Variants in LIN54 observed in about 807,000 individuals in gnomAD.
LIN54 encodes protein lin-54 homolog.
A neutral mutation model predicts 78.7 loss-of-function variants in LIN54; 9 were observed. The observed-to-expected ratio is 0.11, with a 90% confidence interval of 0.07 to 0.20. The LOEUF is 0.20. LIN54 is among the 10% of genes least tolerant of loss of function. LIN54 has a pLI of 1.00. For synonymous variants in LIN54, 269 were observed against 318.4 expected (o/e 0.84, Z 1.65); for missense variants, 573 against 889.9 (o/e 0.64, Z 4.53).
chr4:83,002,423 A>G (rs1728933366), intron 1 of LIN54, among the ~76,000 whole-genome samples: 1 of 131,724 alleles, frequency 7.6e-6, no homozygotes, highest in Non-Finnish European at 1.6e-5. Flanking sequence ...AAGGAGGGAT[A>G]GAAAGGAGGG....
At chr4:82,976,654 G>A (rs1726187283) in intron 3 of LIN54, among the ~76,000 whole-genome samples, 1 of 152,156 alleles carries the variant, frequency 6.6e-6, no homozygotes, top group South Asian at 2.1e-4. Flanking sequence ...GTTGCAGTGA[G>A]CCAAGATAGC....
chr4:82,999,603 C>A (rs1249346563), intron 1 of LIN54, among the ~76,000 whole-genome samples: 2 of 151,472 alleles, frequency 1.3e-5, no homozygotes, highest in Admixed American at 1.3e-4. Context: ...ATGGTGAAAC[C>A]CTGTCTCTAC....
chr4:82,984,798 A>G lies in LIN54; in HGVS notation c.47T>C (p.Ile16Thr). 1.2e-6 allele frequency: 2 copies of G among 1,613,782 alleles called. No individual in the cohort carries two copies. Among genetic ancestry groups the G allele is most frequent in the Non-Finnish European group, 1.7e-6 (2 of 1,179,974 alleles). The change falls in exon 2 of 13, where the codon ATA becomes ACA. Residue 16 changes from isoleucine (I) to threonine (T), a missense_variant. Ile to Thr is a moderately conservative substitution (Grantham distance 89). Transcript: ENST00000340417. ...CACTAAAGTTATACCAGTGTCCATT[A>G]TTTCCTCTGGAAGCAAACTATTCAC... is the stretch of plus-strand genomic sequence containing the variant. ...AEVNSLLPEEIMDTGITLVDD... is the reference protein window; with the variant it reads ...AEVNSLLPEETMDTGITLVDD...
rs957459994 is a variant in LIN54, at chr4:82,984,247, C to G, written c.598G>C (p.Val200Leu). The change falls in exon 2 of 13, where the codon GTC becomes CTC. Residue 200 changes from valine to leucine, a missense_variant. Physicochemically the swap from Val to Leu is conservative, Grantham distance 32 (BLOSUM62 1). This residue lies in a region of LIN54 where 3 missense variants were observed against 19.8 expected (regional missense o/e 0.15). Coordinates refer to ENST00000340417, the MANE Select transcript of LIN54 (RefSeq NM_194282.4). Reference sequence around the variant, plus strand: ...TGACTTCCTGGGGTCAATGCTGAGACACCAATGACAGGTTTCACCTCTGGC... The same window carrying G: ...TGACTTCCTGGGGTCAATGCTGAGAGACCAATGACAGGTTTCACCTCTGGC... ...GRPEVKPVIG[V>L]SALTPGSQLI... is the part of the protein sequence containing the mutation. 3 of 1,614,028 alleles carry G rather than the reference C, an allele frequency of 1.9e-6. No individual in the cohort carries two copies. The African/African-American group carries it at 4.0e-5, about 22-fold the overall frequency.
At chr4:82,986,259 G>T (rs1401919866) in intron 1 of LIN54, among the ~76,000 whole-genome samples, 8 of 152,018 alleles carry the variant, frequency 5.3e-5, no homozygotes, top group Non-Finnish European at 1.2e-4. Context: ...GGGATTACAG[G>T]CATGTGCCAC....
At chr4:82,941,298 C>T (rs1402151539) in intron 5 of LIN54, among the ~76,000 whole-genome samples, 7 of 151,770 alleles carry the variant, frequency 4.6e-5, no homozygotes, top group African/African-American at 1.2e-4. Context: ...CACACAAAGA[C>T]GGAAGCATGA....
rs1054475068 is a variant in LIN54 at position 82,936,485 on chromosome 4, G to A, written c.1605-104C>T. 5.6e-5 allele frequency: 32 copies of A among 570,186 alleles called. No individual in the cohort carries two copies. The East Asian group carries it at 9.0e-4, about 16-fold the overall frequency. The allele number at this position is 570,186 out of a possible 1,614,324, so 35.3% of individuals were successfully genotyped here. A position where few individuals can be genotyped will look rare whatever the true frequency, so the allele number is the denominator to read the frequency against. On this transcript the variant is annotated intron_variant, in intron 9 of 12. Coordinates refer to ENST00000340417, the MANE Select transcript of LIN54 (RefSeq NM_194282.4). ...TATATTGTACACATACTACATATGT[G>A]GTAAAGCATCTCAGAAATCTACTCA...
chr4:82,939,885 T>G lies in LIN54; in HGVS notation c.1242+4A>C, dbSNP rs758797222. 1.9e-6 allele frequency: 3 copies of G among 1,610,524 alleles called. No homozygotes were observed. On this transcript the variant is annotated splice_donor_region_variant and intron_variant, in intron 6 of 12. Coordinates refer to ENST00000340417, the MANE Select transcript of LIN54 (RefSeq NM_194282.4). Reference sequence around the variant, plus strand: ...GACTGAGAAAGAAGTTATGTGATACTTACTTGTTTGACAGCCTGAGCTGAG... The same window carrying G: ...GACTGAGAAAGAAGTTATGTGATACGTACTTGTTTGACAGCCTGAGCTGAG...
chr4:83,012,112 G>C, upstream of LIN54: 2 of 759,362 alleles, frequency 2.6e-6, no homozygotes, highest in Non-Finnish European at 3.2e-6. Flanking sequence ...TTTATATGCA[G>C]ACTACCAGAT....
At chr4:82,932,756 C>T (rs750593128) in intron 11 of LIN54, among the ~76,000 whole-genome samples, 12 of 151,710 alleles carry the variant, frequency 7.9e-5, no homozygotes, top group South Asian at 2.1e-4. Context: ...ACCCGGGAGG[C>T]GGAGGTTGCA....
chr4:82,984,388 C>A lies in LIN54; in HGVS notation c.457G>T (p.Val153Phe), dbSNP rs199820545. Residue 153 changes from valine to phenylalanine, a missense_variant, in exon 2 of 13, where the codon GTT (valine) becomes TTT (phenylalanine). Val to Phe is a conservative substitution (Grantham distance 50). Coordinates refer to ENST00000340417, the MANE Select transcript of LIN54 (RefSeq NM_194282.4). ...AGTTGGCTATGGGGTAGTGCTAAAACAATTGGTGAACCAGACTTGCCCAAA... is the reference window on the plus strand; with the variant it reads ...AGTTGGCTATGGGGTAGTGCTAAAAAAATTGGTGAACCAGACTTGCCCAAA... ...TTLGKSGSPI[V>F]LALPHSQLPQ... 11 of 1,614,168 alleles carry A rather than the reference C, an allele frequency of 6.8e-6. No homozygotes were observed. Among genetic ancestry groups the A allele is most frequent in the Non-Finnish European group, 7.6e-6 (9 of 1,180,024 alleles).
chr4:82,992,752 G>A (rs570766362), intron 1 of LIN54, among the ~76,000 whole-genome samples: 1 of 152,202 alleles, frequency 6.6e-6, no homozygotes, highest in East Asian at 1.9e-4. Flanking sequence ...TCCCCGGCCA[G>A]GCGTGGTGGC....
intron 1 of LIN54, among the ~76,000 whole-genome samples, chr4:83,004,120 G>A (rs1246145073): frequency 4.6e-5 from 7 of 152,042 alleles, no homozygotes; most frequent in African/African-American, 7.2e-5. Flanking sequence ...AAAACAGGCC[G>A]GGTGCGGTGG....
chr4:82,955,369 A>AATATAACATAACATAAC (rs1553950433), intron 4 of LIN54, among the ~76,000 whole-genome samples: 1 of 138,292 alleles, frequency 7.2e-6, no homozygotes, highest in Admixed American at 7.5e-5. Context: ...ATCTCAAAAA[A>AATATAACATAACATAAC]ATAACATAAC....
At chr4:83,001,128 A>C (rs961579235) in intron 1 of LIN54, among the ~76,000 whole-genome samples, 1 of 152,076 alleles carries the variant, frequency 6.6e-6, no homozygotes. Context: ...CAAAAGCAAT[A>C]AATTCTTACA....
chr4:82,939,942 T>C lies in LIN54; in HGVS notation c.1189A>G (p.Thr397Ala). The change falls in exon 6 of 13, where the codon ACA becomes GCA. Residue 397 changes from threonine (T) to alanine (A), a missense_variant. This residue lies in a region of LIN54 where 199 missense variants were observed against 260.9 expected (regional missense o/e 0.76). Coordinates refer to ENST00000340417, the MANE Select transcript of LIN54 (RefSeq NM_194282.4). ...GGAACTGACATCCGCACTGGGGTTG[T>C]ATTAACAACCACTGGCTTTGCTTTT... ...LQQAKPVVVNTTPVRMSVPIV... is the reference protein window; with the variant it reads ...LQQAKPVVVNATPVRMSVPIV... 1 of 1,606,078 alleles carries C rather than the reference T, an allele frequency of 6.2e-7. No individual in the cohort carries two copies.
chr4:82,970,438 A>C lies in LIN54; in HGVS notation c.840T>G (p.Thr280=). 1 of 1,612,884 alleles carries C rather than the reference A, an allele frequency of 6.2e-7. No individual in the cohort carries two copies. Among genetic ancestry groups the C allele is most frequent in the Non-Finnish European group, 8.5e-7 (1 of 1,179,486 alleles). ...GRVLSQSTPG[T]PSKTITISES... ...CAGATATTGTTATGGTCTTTGATGG[A>C]GTTCCGGGAGTAGACTGTGAAAGAA... The change falls in exon 4 of 13, where the codon ACT becomes ACG. Residue 280 remains threonine (T), a synonymous_variant. Coordinates refer to ENST00000340417, the MANE Select transcript of LIN54 (RefSeq NM_194282.4).
intron 11 of LIN54, among the ~76,000 whole-genome samples, chr4:82,934,175 G>A (rs1369410325): frequency 2.6e-5 from 4 of 152,108 alleles, no homozygotes; most frequent in Non-Finnish European, 4.4e-5. Flanking sequence ...GAGGCTGATG[G>A]GTGGGCGGAT....
rs747230610 is a variant in LIN54, at chr4:82,984,382, C to A, written c.463G>T (p.Ala155Ser). The A allele has an allele frequency of 6.2e-7, 1 of 1,614,162 alleles. No homozygotes were observed. The highest frequency in any genetic ancestry group is 8.5e-7 in the Non-Finnish European group (1 of 1,180,024). Reference sequence around the variant, plus strand: ...TGGGGTAGTTGGCTATGGGGTAGTGCTAAAACAATTGGTGAACCAGACTTG... The same window carrying A: ...TGGGGTAGTTGGCTATGGGGTAGTGATAAAACAATTGGTGAACCAGACTTG... The part of the protein sequence containing the change: ...LGKSGSPIVL[A>S]LPHSQLPQAQ... Residue 155 changes from alanine (A) to serine (S), a missense_variant, in exon 2 of 13, where the codon GCA becomes TCA. Transcript: ENST00000340417.
Sources: allele counts gnomAD v4.1 joint callset (sites outside exome capture counted in the v4.1 genomes callset), GRCh38; gene constraint gnomAD v4.1.1; regional missense constraint gnomAD v4.1.1; transcripts MANE v1.5; gene names NCBI Gene and HGNC (gene_info 2026-07-23, HGNC 2026-07-21).